Variants in H2AC21 observed in about 807,000 individuals in gnomAD.
H2AC21 encodes the protein H2A clustered histone 21, also known as histone H2A type 2-B.
Under a neutral mutation model 7.7 loss-of-function variants are expected in H2AC21, and 3 were observed. The ratio of observed to expected loss-of-function variants is 0.39; its 90% CI spans 0.18 to 1.01. The LOEUF is 1.01. Among genes scored for constraint, H2AC21 ranks in the 50% least tolerant of loss-of-function variants. The pLI is 0.36. For synonymous variants in H2AC21, 119 were observed against 84.2 expected (o/e 1.41, Z -2.26); for missense variants, 173 against 177.9 (o/e 0.97, Z 0.16).
Position 149,887,629 on chromosome 1 carries a change from C to T in H2AC21, c.288G>A (p.Lys96=), listed in dbSNP as rs782245033. 4 of 1,614,120 alleles carry T rather than the reference C, an allele frequency of 2.5e-6. No homozygotes were observed. Among genetic ancestry groups the T allele is most frequent in the African/African-American group, 1.3e-5 (1 of 74,950 alleles). Residue 96 remains lysine, a synonymous_variant, in exon 1 of 1, where the codon AAG becomes AAA. Coordinates refer to ENST00000331128, the MANE Select transcript of H2AC21 (RefSeq NM_175065.3). ...GGGCAATGGTGACACCCCCGAGTAA[C>T]TTGTTGAGCTCTTCGTCATTCCTCA... ...LAVRNDEELN[K]LLGGVTIAQG...
Position 149,887,548 on chromosome 1 carries a change from A to ACT in H2AC21, c.367_368dup (p.Ser123ArgfsTer11), listed in dbSNP as rs1559775781. On this transcript the variant is annotated frameshift_variant, in exon 1 of 1. Coordinates refer to ENST00000331128, the MANE Select transcript of H2AC21 (RefSeq NM_175065.3). LOFTEE classifies it high-confidence loss of function. ...ATTACTTGTTCTTGCCAGGCTTGTG[A>ACT]CTCTCCGTTTTCTTGGGCAACAGGA... The ACT allele has an allele frequency of 1.2e-6, 2 of 1,612,644 alleles. No individual in the cohort carries two copies. Among genetic ancestry groups the ACT allele is most frequent in the South Asian group, 1.1e-5 (1 of 91,020 alleles).
rs587621321 is a variant in H2AC21 at position 149,887,826 on chromosome 1, C to T, written c.91G>A (p.Val31Met). ...RAGLQFPVGRVHRLLRKGNYA... is the reference protein window; with the variant it reads ...RAGLQFPVGRMHRLLRKGNYA... ...TTGCCTTTGCGCAGCAAGCGGTGCACTCGCCCCACCGGGAACTGGAGACCA... is the reference window on the plus strand; with the variant it reads ...TTGCCTTTGCGCAGCAAGCGGTGCATTCGCCCCACCGGGAACTGGAGACCA... Residue 31 changes from valine to methionine, a missense_variant, in exon 1 of 1, where the codon GTG (valine) becomes ATG (methionine). Coordinates refer to ENST00000331128, the MANE Select transcript of H2AC21 (RefSeq NM_175065.3). The T allele has an allele frequency of 1.2e-6, 2 of 1,613,992 alleles. No homozygotes were observed. Among genetic ancestry groups the T allele is most frequent in the East Asian group, 4.5e-5 (2 of 44,874 alleles).
chr1:149,887,774 G>A lies in H2AC21; in HGVS notation c.143C>T (p.Ala48Val). Reference sequence around the variant, plus strand: ...GAGGACCGCCGCCAGGTACACCGGGGCGCCTGCCCCGACCCGCTCCGCGTA... The same window carrying A: ...GAGGACCGCCGCCAGGTACACCGGGACGCCTGCCCCGACCCGCTCCGCGTA... ...GNYAERVGAG[A>V]PVYLAAVLEY... The change falls in exon 1 of 1, where the codon GCC (alanine) becomes GTC (valine). Residue 48 changes from alanine (A) to valine (V), a missense_variant. Physicochemically the swap from Ala to Val is moderately conservative, Grantham distance 64. Coordinates refer to ENST00000331128, the MANE Select transcript of H2AC21 (RefSeq NM_175065.3). 1.2e-6 allele frequency: 2 copies of A among 1,614,128 alleles called. No homozygotes were observed. The highest frequency in any genetic ancestry group is 1.7e-6 in the Non-Finnish European group (2 of 1,180,010).
In H2AC21 at chr1:149,887,784, C is replaced by T; in HGVS notation, c.133G>A (p.Gly45Arg). 6.2e-7 allele frequency: 1 copy of T among 1,614,088 alleles called. No individual in the cohort carries two copies. The highest frequency in any genetic ancestry group is 8.5e-7 in the Non-Finnish European group (1 of 1,179,988). ...GCCAGGTACACCGGGGCGCCTGCCC[C>T]GACCCGCTCCGCGTAGTTGCCTTTG... Reference protein sequence around the residue: ...LRKGNYAERVGAGAPVYLAAV... With the variant: ...LRKGNYAERVRAGAPVYLAAV... The change falls in exon 1 of 1, where the codon GGG becomes AGG. Residue 45 changes from glycine (G) to arginine (R), a missense_variant. Coordinates refer to ENST00000331128, the MANE Select transcript of H2AC21 (RefSeq NM_175065.3).
Position 149,887,960 on chromosome 1 carries a change from A to C in H2AC21, c.-44T>G, listed in dbSNP as rs1571472000. On this transcript the variant is annotated 5_prime_UTR_variant, in exon 1 of 1. Coordinates refer to ENST00000331128, the MANE Select transcript of H2AC21 (RefSeq NM_175065.3). ...TACAGCTTCTTTTACAAGGAGAAGAATGTGGAAAGAATAACCAATTTGATG... is the reference window on the plus strand; with the variant it reads ...TACAGCTTCTTTTACAAGGAGAAGACTGTGGAAAGAATAACCAATTTGATG... The C allele has an allele frequency of 1.9e-6, 3 of 1,569,052 alleles. No homozygotes were observed. Among genetic ancestry groups the C allele is most frequent in the Non-Finnish European group, 1.7e-6 (2 of 1,159,178 alleles).
rs1212829860 is a variant in H2AC21 at position 149,887,520 on chromosome 1, T to C, written c.*4A>G. The C allele has an allele frequency of 1.1e-5, 18 of 1,608,684 alleles. No individual in the cohort carries two copies. The highest frequency in any genetic ancestry group is 1.4e-5 in the Non-Finnish European group (17 of 1,176,836). On this transcript the variant is annotated 3_prime_UTR_variant, in exon 1 of 1. Coordinates refer to ENST00000331128, the MANE Select transcript of H2AC21 (RefSeq NM_175065.3). ...GTGAATGAGTATGGTGTCAAGCCTC[T>C]TAATTACTTGTTCTTGCCAGGCTTG...
At position 149,887,473 on chromosome 1, in the gene H2AC21, G is replaced by A. The variant is rs782502396; in HGVS notation, c.*51C>T. The A allele has an allele frequency of 1.9e-6, 3 of 1,564,946 alleles. No homozygotes were observed. The highest frequency in any genetic ancestry group is 2.6e-6 in the Non-Finnish European group (3 of 1,159,106). ...TCAGCCCTTCATTTGACACTTTGGT[G>A]GCTCTTAAAAGAGCCTTTGGGGTGA... is the stretch of plus-strand genomic sequence containing the variant. On this transcript the variant is annotated 3_prime_UTR_variant, in exon 1 of 1. Transcript: ENST00000331128.
Position 149,887,863 on chromosome 1 carries a change from G to T in H2AC21, c.54C>A (p.Arg18=). 1 of 1,613,920 alleles carries T rather than the reference G, an allele frequency of 6.2e-7. No homozygotes were observed. Among genetic ancestry groups the T allele is most frequent in the Non-Finnish European group, 8.5e-7 (1 of 1,179,882 alleles). The part of the protein sequence containing the change: ...GGKARAKAKS[R]SSRAGLQFPV... ...GGAACTGGAGACCAGCGCGGGACGA[G>T]CGCGACTTGGCCTTAGCGCGGGCCT... is the stretch of plus-strand genomic sequence containing the variant. The change falls in exon 1 of 1, where the codon CGC becomes CGA. Residue 18 remains arginine (R), a synonymous_variant. Coordinates refer to ENST00000331128, the MANE Select transcript of H2AC21 (RefSeq NM_175065.3).
Position 149,887,885 on chromosome 1 carries a change from G to A in H2AC21, c.32C>T (p.Ala11Val), listed in dbSNP as rs782756090. Residue 11 changes from alanine to valine, a missense_variant, in exon 1 of 1, where the codon GCC becomes GTC. Transcript: ENST00000331128. Reference protein sequence around the residue: MSGRGKQGGKARAKAKSRSSR... With the variant: MSGRGKQGGKVRAKAKSRSSR... ...CGAGCGCGACTTGGCCTTAGCGCGG[G>A]CCTTGCCTCCCTGCTTTCCGCGTCC... The A allele has an allele frequency of 3.1e-6, 5 of 1,613,308 alleles. No individual in the cohort carries two copies. In the East Asian group the frequency reaches 8.9e-5, roughly 29 times the overall value.
In H2AC21 at chr1:149,887,737, G is replaced by T; in HGVS notation, c.180C>A (p.Thr60=). 1.2e-6 allele frequency: 2 copies of T among 1,614,232 alleles called. No homozygotes were observed. Among genetic ancestry groups the T allele is most frequent in the Non-Finnish European group, 1.7e-6 (2 of 1,180,042 alleles). Residue 60 remains threonine, a synonymous_variant, in exon 1 of 1, where the codon ACC becomes ACA. Transcript: ENST00000331128. ...VYLAAVLEYL[T]AEILELAGNA... ...TGCCCGCCAGCTCCAGAATTTCCGC[G>T]GTCAGGTACTCGAGGACCGCCGCCA...
chr1:149,887,738 G>T lies in H2AC21; in HGVS notation c.179C>A (p.Thr60Asn). 1 of 1,614,232 alleles carries T rather than the reference G, an allele frequency of 6.2e-7. No individual in the cohort carries two copies. Among genetic ancestry groups the T allele is most frequent in the South Asian group, 1.1e-5 (1 of 91,090 alleles). The change falls in exon 1 of 1, where the codon ACC (threonine) becomes AAC (asparagine). Residue 60 changes from threonine (T) to asparagine (N), a missense_variant. Transcript: ENST00000331128. ...VYLAAVLEYL[T>N]AEILELAGNA... ...GCCCGCCAGCTCCAGAATTTCCGCGGTCAGGTACTCGAGGACCGCCGCCAG... is the reference window on the plus strand; with the variant it reads ...GCCCGCCAGCTCCAGAATTTCCGCGTTCAGGTACTCGAGGACCGCCGCCAG...
In H2AC21 at chr1:149,887,563, G is replaced by C. The variant is rs150148333; in HGVS notation, c.354C>G (p.Pro118=). 1.1e-5 allele frequency: 18 copies of C among 1,613,340 alleles called. No individual in the cohort carries two copies. The Admixed American group carries it at 2.8e-4, about 25-fold the overall frequency. ...CAGGCTTGTGACTCTCCGTTTTCTTGGGCAACAGGACAGCCTGGATATTGG... is the reference window on the plus strand; with the variant it reads ...CAGGCTTGTGACTCTCCGTTTTCTTCGGCAACAGGACAGCCTGGATATTGG... ...VLPNIQAVLL[P]KKTESHKPGK... Residue 118 remains proline, a synonymous_variant, in exon 1 of 1, where the codon CCC becomes CCG. Transcript: ENST00000331128.
chr1:149,887,741 A>G lies in H2AC21; in HGVS notation c.176T>C (p.Leu59Pro). The change falls in exon 1 of 1, where the codon CTG (leucine) becomes CCG (proline). Residue 59 changes from leucine to proline, a missense_variant. Transcript: ENST00000331128. Reference sequence around the variant, plus strand: ...CGCCAGCTCCAGAATTTCCGCGGTCAGGTACTCGAGGACCGCCGCCAGGTA... The same window carrying G: ...CGCCAGCTCCAGAATTTCCGCGGTCGGGTACTCGAGGACCGCCGCCAGGTA... ...PVYLAAVLEY[L>P]TAEILELAGN... 6.2e-7 allele frequency: 1 copy of G among 1,614,160 alleles called. No homozygotes were observed. The highest frequency in any genetic ancestry group is 8.5e-7 in the Non-Finnish European group (1 of 1,179,992).
At position 149,887,850 on chromosome 1, in the gene H2AC21, C is replaced by T. The variant is rs1484814693; in HGVS notation, c.67G>A (p.Gly23Ser). ...AKAKSRSSRA[G>S]LQFPVGRVHR... ...ACTCGCCCCACCGGGAACTGGAGACCAGCGCGGGACGAGCGCGACTTGGCC... is the reference window on the plus strand; with the variant it reads ...ACTCGCCCCACCGGGAACTGGAGACTAGCGCGGGACGAGCGCGACTTGGCC... The change falls in exon 1 of 1, where the codon GGT becomes AGT. Residue 23 changes from glycine (G) to serine (S), a missense_variant. Transcript: ENST00000331128. The T allele has an allele frequency of 1.2e-6, 2 of 1,613,866 alleles. No homozygotes were observed. Among genetic ancestry groups the T allele is most frequent in the Non-Finnish European group, 1.7e-6 (2 of 1,179,924 alleles).
chr1:149,887,521 T>A lies in H2AC21; in HGVS notation c.*3A>T. Reference sequence around the variant, plus strand: ...TGAATGAGTATGGTGTCAAGCCTCTTAATTACTTGTTCTTGCCAGGCTTGT... The same window carrying A: ...TGAATGAGTATGGTGTCAAGCCTCTAAATTACTTGTTCTTGCCAGGCTTGT... On this transcript the variant is annotated 3_prime_UTR_variant, in exon 1 of 1. Coordinates refer to ENST00000331128, the MANE Select transcript of H2AC21 (RefSeq NM_175065.3). 1 of 1,608,878 alleles carries A rather than the reference T, an allele frequency of 6.2e-7. No homozygotes were observed. The highest frequency in any genetic ancestry group is 8.5e-7 in the Non-Finnish European group (1 of 1,176,858).
Position 149,887,637 on chromosome 1 carries a change from G to A in H2AC21, c.280C>T (p.Leu94Phe). 1 of 1,614,222 alleles carries A rather than the reference G, an allele frequency of 6.2e-7. No homozygotes were observed. The highest frequency in any genetic ancestry group is 8.5e-7 in the Non-Finnish European group (1 of 1,180,042). Residue 94 changes from leucine (L) to phenylalanine (F), a missense_variant, in exon 1 of 1, where the codon CTC becomes TTC. Leu to Phe is a conservative substitution (Grantham distance 22, BLOSUM62 0). Coordinates refer to ENST00000331128, the MANE Select transcript of H2AC21 (RefSeq NM_175065.3). ...LQLAVRNDEE[L>F]NKLLGGVTIA... ...GTGACACCCCCGAGTAACTTGTTGA[G>A]CTCTTCGTCATTCCTCACGGCTAGT... is the stretch of plus-strand genomic sequence containing the variant.
Position 149,887,934 on chromosome 1 carries a change from T to C in H2AC21, c.-18A>G, listed in dbSNP as rs1553760200. The C allele has an allele frequency of 1.9e-6, 3 of 1,598,104 alleles. No homozygotes were observed. The highest frequency in any genetic ancestry group is 2.6e-6 in the Non-Finnish European group (3 of 1,172,888). ...CCTGACATTACGGCTAAAATTGCAG[T>C]TACAGCTTCTTTTACAAGGAGAAGA... On this transcript the variant is annotated 5_prime_UTR_variant, in exon 1 of 1. Coordinates refer to ENST00000331128, the MANE Select transcript of H2AC21 (RefSeq NM_175065.3).
In H2AC21 at chr1:149,887,940, C is replaced by T. The variant is rs782385592; in HGVS notation, c.-24G>A. On this transcript the variant is annotated 5_prime_UTR_variant, in exon 1 of 1. Transcript: ENST00000331128. ...ATTACGGCTAAAATTGCAGTTACAG[C>T]TTCTTTTACAAGGAGAAGAATGTGG... 2 of 1,595,378 alleles carry T rather than the reference C, an allele frequency of 1.3e-6. No homozygotes were observed. Among genetic ancestry groups the T allele is most frequent in the Non-Finnish European group, 1.7e-6 (2 of 1,171,602 alleles).
In H2AC21 at chr1:149,887,540, G is replaced by A. The variant is rs782611766; in HGVS notation, c.377C>T (p.Pro126Leu). 1.1e-5 allele frequency: 17 copies of A among 1,613,214 alleles called. No homozygotes were observed. The East Asian group carries it at 3.3e-4, about 32-fold the overall frequency. Residue 126 changes from proline to leucine, a missense_variant, in exon 1 of 1, where the codon CCT (proline) becomes CTT (leucine). Coordinates refer to ENST00000331128, the MANE Select transcript of H2AC21 (RefSeq NM_175065.3). ...LLPKKTESHKPGKNK is the reference protein window; with the variant it reads ...LLPKKTESHKLGKNK Reference sequence around the variant, plus strand: ...GCCTCTTAATTACTTGTTCTTGCCAGGCTTGTGACTCTCCGTTTTCTTGGG... The same window carrying A: ...GCCTCTTAATTACTTGTTCTTGCCAAGCTTGTGACTCTCCGTTTTCTTGGG...
Sources: allele counts gnomAD v4.1 joint callset, GRCh38; gene constraint gnomAD v4.1.1; transcripts MANE v1.5; gene names NCBI Gene and HGNC (gene_info 2026-07-23, HGNC 2026-07-21).